MAPRE2: variants seen among roughly 807,000 people sequenced by gnomAD.
MAPRE2 encodes the protein microtubule associated protein RP/EB family member 2.
MAPRE2 carries 13 observed loss-of-function variants against 43.2 expected under a neutral mutation model. The ratio of observed to expected loss-of-function variants is 0.30; its 90% confidence interval spans 0.20 to 0.48. The LOEUF (loss-of-function observed/expected upper bound fraction) is 0.48. MAPRE2 is among the 20% of genes least tolerant of loss of function. The pLI, the probability that MAPRE2 is intolerant of heterozygous loss-of-function variation, is 0.99. For synonymous variants in MAPRE2, 135 were observed against 148.8 expected, an observed-to-expected ratio of 0.91 and a Z score of 0.68; for missense variants, 161 against 400.2, an observed-to-expected ratio of 0.40 and a Z score of 5.10.
At chr18:35,134,299 G>A (rs1194862388) in intron 6 of MAPRE2, among the ~76,000 whole-genome samples, 1 of 152,184 alleles carries the variant, frequency 6.6e-6, no homozygotes, top group African/African-American at 2.4e-5. Flanking sequence ...CCTTCTCCAA[G>A]TCTGAGGCAC....
intron 4 of MAPRE2, among the ~76,000 whole-genome samples, chr18:35,124,801 G>A (rs531811522): frequency 1.3e-5 from 2 of 152,280 alleles, no homozygotes; most frequent in South Asian, 4.1e-4. Flanking sequence ...TGCCAGATCA[G>A]GTGTCCTCAC....
intron 6 of MAPRE2, among the ~76,000 whole-genome samples, chr18:35,139,392 T>G (rs667427): frequency 0.19 from 29,410 of 152,124 alleles, 3,311 homozygotes; most frequent in African/African-American, 0.3. Context: ...ACAGCAAATA[T>G]TTTGTGTGAG....
At chr18:35,035,474 G>T (rs970256556) in intron 2 of MAPRE2, among the ~76,000 whole-genome samples, 2 of 151,632 alleles carry the variant, frequency 1.3e-5, no homozygotes, top group Non-Finnish European at 2.9e-5. Context: ...TAACTAACCT[G>T]CACATTGTGC....
chr18:35,079,837 T>C (rs1259355525), intron 2 of MAPRE2, among the ~76,000 whole-genome samples: 1 of 152,216 alleles, frequency 6.6e-6, no homozygotes, highest in Non-Finnish European at 1.5e-5. Context: ...GTTATTCAAG[T>C]ATAAAAGAGG....
At chr18:35,029,178 G>A (rs1339942736) in intron 2 of MAPRE2, among the ~76,000 whole-genome samples, 2 of 152,128 alleles carry the variant, frequency 1.3e-5, no homozygotes, top group African/African-American at 4.8e-5. Context: ...CTTACTTCAT[G>A]ATTTCCAGTT....
chr18:35,040,068 C>T (rs560524553), upstream of MAPRE2, among the ~76,000 whole-genome samples: 2 of 152,234 alleles, frequency 1.3e-5, no homozygotes, highest in East Asian at 1.9e-4. Context: ...CTGGGTGTGG[C>T]GGCGTGCGCC....
chr18:34,980,536 C>T (rs1309883474), intron 1 of MAPRE2, among the ~76,000 whole-genome samples: 5 of 152,122 alleles, frequency 3.3e-5, no homozygotes, highest in Non-Finnish European at 4.4e-5. Flanking sequence ...TGAAGAGTAT[C>T]AAAAGGTGGG....
At chr18:34,991,935 T>C (rs1603387284) in intron 1 of MAPRE2, among the ~76,000 whole-genome samples, 1 of 152,214 alleles carries the variant, frequency 6.6e-6, no homozygotes. Context: ...TAACACTATG[T>C]TCTTGTGAGG....
At position 35,017,208 on chromosome 18, in the gene MAPRE2, T is replaced by C. The variant is rs192585109; in HGVS notation, c.-8+11655T>C. On this transcript the variant is annotated intron_variant, in intron 2 of 7. Coordinates refer to the MAPRE2 transcript ENST00000413393. ...CTTTGGTCTGTATATAGCCTTATAG[T>C]TTAAAGTCAAGTAATGTGATGCCTC... is the stretch of plus-strand genomic sequence containing the variant. Among the ~76,000 whole-genome samples the C allele has an allele frequency of 3.5e-4, 53 of 151,244 alleles. No individual in the cohort carries two copies. The East Asian group carries it at 9.8e-3, about 28-fold the overall frequency.
At position 34,985,055 on chromosome 18, in the gene MAPRE2, T is replaced by TA. The variant is rs1345370781; in HGVS notation, c.-70+7977dup. The stretch of plus-strand genomic sequence containing the variant: ...AATATATAATATATAAAATATATTA[T>TA]ATAATATATAAAATAAAATATATTA... On this transcript the variant is annotated intron_variant, in intron 1 of 7. Coordinates refer to the MAPRE2 transcript ENST00000413393. 4.6e-3 allele frequency among the ~76,000 whole-genome samples: 404 copies of TA among 88,724 alleles called. 3 individuals carry two copies. The highest frequency in any genetic ancestry group is 0.011 in the African/African-American group (238 of 20,918). The allele number at this position is 88,724 out of a possible 152,430, so 58.2% of individuals were successfully genotyped here.
At chr18:35,003,798 A>G (rs1279054551) in intron 1 of MAPRE2, among the ~76,000 whole-genome samples, 1 of 152,208 alleles carries the variant, frequency 6.6e-6, no homozygotes, top group African/African-American at 2.4e-5. Flanking sequence ...AAGAATAGAA[A>G]CTGACATGGA....
chr18:35,011,030 C>G (rs1032644266), intron 2 of MAPRE2, among the ~76,000 whole-genome samples: 3 of 152,156 alleles, frequency 2.0e-5, no homozygotes, highest in South Asian at 4.1e-4. Flanking sequence ...TCTACCATGG[C>G]TCCATCACTG....
chr18:34,982,147 T>C (rs1265875858), intron 1 of MAPRE2, among the ~76,000 whole-genome samples: 3 of 152,150 alleles, frequency 2.0e-5, no homozygotes, highest in Admixed American at 2.0e-4. Flanking sequence ...CCTCCCAGAA[T>C]GCTGGGATTA....
intron 2 of MAPRE2, among the ~76,000 whole-genome samples, chr18:35,024,175 G>A (rs182324294): frequency 6.6e-6 from 1 of 152,332 alleles, no homozygotes; most frequent in Non-Finnish European, 1.5e-5. Context: ...AAGTGCCCAA[G>A]TGTTATTGCA....
chr18:35,106,673 CT>C (rs1176692123), intron 4 of MAPRE2, among the ~76,000 whole-genome samples: 3 of 151,940 alleles, frequency 2.0e-5, no homozygotes, highest in Admixed American at 6.6e-5. Context: ...TCAGAGAAGC[CT>C]TAGAATAGTT....
intron 1 of MAPRE2, among the ~76,000 whole-genome samples, chr18:34,985,333 TATATAATATATTATA>T (rs2097019511): frequency 2.4e-5 from 1 of 41,290 alleles, no homozygotes; most frequent in Non-Finnish European, 4.1e-5. Context: ...TATAATATAA[TATATAATATATTATA>T]TTATATATAT....
At position 35,026,178 on chromosome 18, in the gene MAPRE2, C is replaced by CAGG. The variant is rs142956410; in HGVS notation, c.-8+20627_-8+20629dup. Reference sequence around the variant, plus strand: ...GTGTGAGCAGCGGGAGAGGAATGGGCAGGACATACCTGTCCCCCTGTGAAA... The same window carrying CAGG: ...GTGTGAGCAGCGGGAGAGGAATGGGCAGGAGGACATACCTGTCCCCCTGTGAAA... On this transcript the variant is annotated intron_variant, in intron 2 of 7. Transcript: ENST00000413393. Among the ~76,000 whole-genome samples the CAGG allele has an allele frequency of 6.9e-3, 1,055 of 152,162 alleles. 11 individuals are homozygous for CAGG. The highest frequency in any genetic ancestry group is 0.024 in the African/African-American group (1,006 of 41,492).
intron 2 of MAPRE2, among the ~76,000 whole-genome samples, chr18:35,032,020 G>A (rs2097048079): frequency 6.6e-6 from 1 of 152,176 alleles, no homozygotes; most frequent in Admixed American, 6.5e-5. Context: ...ATACATTTCT[G>A]TGCCACCAGT....
At chr18:35,133,753 TGAAGTGTTG>T (rs1454901963) in intron 6 of MAPRE2, among the ~76,000 whole-genome samples, 3 of 152,176 alleles carry the variant, frequency 2.0e-5, no homozygotes, top group Non-Finnish European at 4.4e-5. Context: ...GAACTCCAAA[TGAAGTGTTG>T]GAGAGGTCCA....
Sources: allele counts gnomAD v4.1 joint callset (sites outside exome capture counted in the v4.1 genomes callset), GRCh38; gene constraint gnomAD v4.1.1; transcripts MANE v1.5; gene names NCBI Gene and HGNC (gene_info 2026-07-23, HGNC 2026-07-21).